RBFOX1: variants seen among roughly 807,000 people sequenced by gnomAD.
RBFOX1 encodes RNA binding fox-1 homolog 1, also known as RNA binding protein fox-1 homolog 1.
In RBFOX1, 8 loss-of-function variants were observed where a neutral mutation model predicts 57.7. The observed-to-expected ratio is 0.14, with a 90% CI of 0.08 to 0.25. RBFOX1 has a LOEUF of 0.25. Ranked by LOEUF, RBFOX1 falls within the 10% of genes least tolerant of loss-of-function variation. The probability of loss-of-function intolerance (pLI) is 1.00; values close to 1 mark genes in which losing one functional copy is unlikely to be tolerated. For missense variants in RBFOX1, 611 were observed against 548.5 expected (o/e 1.11, Z -1.14); for synonymous variants, 326 against 222.4 (o/e 1.47, Z -4.15).
At chr16:5,978,836 C>T (rs1157835645) in intron 4 of RBFOX1, among the ~76,000 whole-genome samples, 2 of 151,090 alleles carry the variant, frequency 1.3e-5, no homozygotes, top group Non-Finnish European at 3.0e-5. Flanking sequence ...GTGAAATGCT[C>T]TTCTCATCAT....
chr16:7,454,430 G>A (rs761795348), intron 4 of RBFOX1, among the ~76,000 whole-genome samples: 13 of 152,112 alleles, frequency 8.5e-5, no homozygotes, highest in African/African-American at 2.2e-4. Flanking sequence ...AGTCAAACTC[G>A]TGTTCTAGCC....
intron 3 of RBFOX1, among the ~76,000 whole-genome samples, chr16:5,843,145 C>T (rs2056669219): frequency 6.6e-6 from 1 of 152,042 alleles, no homozygotes; most frequent in African/African-American, 2.4e-5. Context: ...TTATTTTTAT[C>T]TTTCATTATA....
intron 1 of RBFOX1, among the ~76,000 whole-genome samples, chr16:5,374,021 G>C (rs568802520): frequency 6.6e-6 from 1 of 152,216 alleles, no homozygotes; most frequent in Non-Finnish European, 1.5e-5. Flanking sequence ...GGGTTCAAGC[G>C]ATTCTCCTGC....
intron 4 of RBFOX1, among the ~76,000 whole-genome samples, chr16:7,469,262 C>A (rs183577052): frequency 1.1e-3 from 161 of 152,006 alleles, no homozygotes; most frequent in African/African-American, 3.8e-3. Flanking sequence ...CAGGGTTTCA[C>A]CATGTCGGTC....
chr16:5,618,626 C>T lies in RBFOX1; in HGVS notation c.318+19665C>T, dbSNP rs187702784. On this transcript the variant is annotated intron_variant, in intron 3 of 19. Coordinates refer to the RBFOX1 transcript ENST00000641259. ...TGCTGGGATCACAGGCGTGAGCCAT[C>T]GCGCCCAGCTGGCTGTAGATTTTTG... 1.2e-4 allele frequency among the ~76,000 whole-genome samples: 19 copies of T among 152,306 alleles called. 1 individual carries two copies. Among genetic ancestry groups the T allele is most frequent in the African/African-American group, 4.3e-4 (18 of 41,580 alleles).
rs146501870 is a variant in RBFOX1 at position 7,473,239 on chromosome 16, A to G, written c.28-44908A>G. Among the ~76,000 whole-genome samples the G allele has an allele frequency of 9.9e-3, 1,504 of 152,034 alleles. 34 individuals are homozygous for G. The highest frequency in any genetic ancestry group is 0.035 in the African/African-American group (1,446 of 41,488). ...CTAAAAACACAAAAACTAGCTGGGC[A>G]TGGTGGCGGGTGCCTGTAATCCCAG... On this transcript the variant is annotated intron_variant, in intron 4 of 15. Coordinates refer to ENST00000550418, the MANE Select transcript of RBFOX1 (RefSeq NM_018723.4).
At chr16:7,262,902 G>C (rs12051342) in intron 4 of RBFOX1, among the ~76,000 whole-genome samples, 3,059 of 152,324 alleles carry the variant, frequency 0.02, 51 homozygotes, top group South Asian at 0.052. Context: ...GAAAGCCACA[G>C]CCTGTGTGGA....
intron 2 of RBFOX1, among the ~76,000 whole-genome samples, chr16:6,399,989 C>G (rs1213152739): frequency 6.6e-6 from 1 of 152,140 alleles, no homozygotes. Context: ...TCAATGACCT[C>G]CTGTCAGGTC....
chr16:6,237,530 T>A (rs528324261), intron 1 of RBFOX1, among the ~76,000 whole-genome samples: 135 of 152,076 alleles, frequency 8.9e-4, no homozygotes, highest in Middle Eastern at 3.4e-3. Flanking sequence ...GATTACGAGG[T>A]CAGGAGTTCA....
intron 4 of RBFOX1, among the ~76,000 whole-genome samples, chr16:7,311,842 A>T (rs753100182): frequency 1.4e-4 from 21 of 152,228 alleles, no homozygotes; most frequent in Non-Finnish European, 2.9e-4. Context: ...TTCTGAAGTT[A>T]TATGTAGGAC....
intron 3 of RBFOX1, among the ~76,000 whole-genome samples, chr16:6,943,890 C>G (rs1014863319): frequency 3.9e-5 from 6 of 152,148 alleles, no homozygotes; most frequent in African/African-American, 1.4e-4. Context: ...CTATACATCA[C>G]TTCCCTTTTT....
At chr16:7,259,728 T>C (rs903083865) in intron 4 of RBFOX1, among the ~76,000 whole-genome samples, 2 of 152,200 alleles carry the variant, frequency 1.3e-5, no homozygotes, top group African/African-American at 2.4e-5. Context: ...CATGAACTTG[T>C]AGTAACAATG....
chr16:5,733,012 C>T (rs1465392959), intron 3 of RBFOX1, among the ~76,000 whole-genome samples: 1 of 152,096 alleles, frequency 6.6e-6, no homozygotes, highest in African/African-American at 2.4e-5. Context: ...TATGATCTTA[C>T]ACATTTTTGA....
At chr16:5,273,423 A>G (rs1035425889) in intron 1 of RBFOX1, among the ~76,000 whole-genome samples, 4 of 152,140 alleles carry the variant, frequency 2.6e-5, no homozygotes, top group Non-Finnish European at 4.4e-5. Context: ...AAGAGAGTCT[A>G]GTTCCCACTC....
intron 4 of RBFOX1, among the ~76,000 whole-genome samples, chr16:7,490,831 A>G (rs2066738489): frequency 6.6e-6 from 1 of 152,178 alleles, no homozygotes. Context: ...CATCTTACCC[A>G]GAAACAGCAC....
At chr16:6,882,233 C>G (rs968188355) in intron 3 of RBFOX1, among the ~76,000 whole-genome samples, 10 of 152,098 alleles carry the variant, frequency 6.6e-5, no homozygotes, top group African/African-American at 2.4e-4. Context: ...CAGTCTCCAC[C>G]TTAGAGAGAT....
At chr16:7,122,195 T>C (rs577667831) in intron 4 of RBFOX1, among the ~76,000 whole-genome samples, 20 of 152,268 alleles carry the variant, frequency 1.3e-4, no homozygotes, top group African/African-American at 4.8e-4. Flanking sequence ...TGTGAAGGTC[T>C]CTATTAAAAG....
intron 3 of RBFOX1, among the ~76,000 whole-genome samples, chr16:6,734,572 G>C (rs567853617): frequency 4.5e-5 from 3 of 66,140 alleles, no homozygotes; most frequent in East Asian, 6.1e-3. Flanking sequence ...ATGTAATTAA[G>C]ACTGTGCTCT....
At chr16:6,233,781 A>AT (rs879505932) in intron 1 of RBFOX1, among the ~76,000 whole-genome samples, 14 of 151,600 alleles carry the variant, frequency 9.2e-5, no homozygotes, top group African/African-American at 1.7e-4. Flanking sequence ...TCCCAACTTT[A>AT]TTTTTTTTCC....
Sources: allele counts gnomAD v4.1 joint callset (sites outside exome capture counted in the v4.1 genomes callset), GRCh38; gene constraint gnomAD v4.1.1; transcripts MANE v1.5; gene names NCBI Gene and HGNC (gene_info 2026-07-23, HGNC 2026-07-21).